Variants in CHST9 observed in about 807,000 individuals in gnomAD.
The protein encoded by CHST9 is carbohydrate sulfotransferase 9.
Under a neutral mutation model 44.4 loss-of-function variants are expected in CHST9, and 41 were observed. The observed-to-expected ratio is 0.92, with a 90% CI of 0.72 to 1.20. CHST9 has a LOEUF of 1.20. Ranked by LOEUF, CHST9 falls within the 50% of genes most tolerant of loss-of-function variation. The probability of loss-of-function intolerance (pLI) is 0.00; values close to 1 mark genes in which losing one functional copy is unlikely to be tolerated. For synonymous variants in CHST9, 171 were observed against 178.4 expected (o/e 0.96, Z 0.33); for missense variants, 504 against 516.5 (o/e 0.98, Z 0.23).
At chr18:27,046,329 C>T (rs2057499543) in intron 3 of CHST9, among the ~76,000 whole-genome samples, 1 of 151,700 alleles carries the variant, frequency 6.6e-6, no homozygotes, top group Admixed American at 6.6e-5. Flanking sequence ...TTGGTAGGTC[C>T]CAGTTTTAAT....
chr18:27,060,937 T>C (rs929078343), intron 2 of CHST9, among the ~76,000 whole-genome samples: 2 of 152,230 alleles, frequency 1.3e-5, no homozygotes, highest in Admixed American at 1.3e-4. Context: ...ATAGGTGAGA[T>C]GAATTCTGTT....
intron 2 of CHST9, among the ~76,000 whole-genome samples, chr18:27,117,172 A>C (rs756086886): frequency 3.9e-5 from 6 of 152,172 alleles, no homozygotes; most frequent in African/African-American, 1.2e-4. Context: ...AATTACTTGG[A>C]TATTTATGAT....
intron 4 of CHST9, among the ~76,000 whole-genome samples, chr18:26,960,220 C>T (rs1396088978): frequency 6.6e-6 from 1 of 151,964 alleles, no homozygotes; most frequent in Non-Finnish European, 1.5e-5. Context: ...GAGAAGAGAG[C>T]GTAGAAGACT....
intron 2 of CHST9, among the ~76,000 whole-genome samples, chr18:27,076,820 A>G (rs1412230391): frequency 6.6e-6 from 1 of 152,196 alleles, no homozygotes; most frequent in Admixed American, 6.5e-5. Flanking sequence ...GTTCCATATT[A>G]TCTGCACATG....
intron 3 of CHST9, among the ~76,000 whole-genome samples, chr18:27,034,021 CA>C (rs2057366519): frequency 1.3e-5 from 2 of 152,216 alleles, no homozygotes; most frequent in African/African-American, 4.8e-5. Context: ...CCCACTCCCC[CA>C]TCCGCACTGC....
chr18:27,065,522 G>C (rs1165563870), intron 2 of CHST9, among the ~76,000 whole-genome samples: 5 of 151,578 alleles, frequency 3.3e-5, no homozygotes, highest in Non-Finnish European at 7.4e-5. Context: ...TAGTCCAGTT[G>C]GGAGAGAGTG....
At chr18:26,951,182 A>C (rs1397729868) in intron 4 of CHST9, among the ~76,000 whole-genome samples, 1 of 152,196 alleles carries the variant, frequency 6.6e-6, no homozygotes, top group Non-Finnish European at 1.5e-5. Context: ...ATTTGTAGAA[A>C]CAGCCCTAAC....
At chr18:26,927,415 A>G (rs1317335589) in intron 5 of CHST9, among the ~76,000 whole-genome samples, 1 of 152,028 alleles carries the variant, frequency 6.6e-6, no homozygotes, top group East Asian at 1.9e-4. Flanking sequence ...CGCTCAGCAT[A>G]TGGTCTCTGA....
At chr18:27,147,332 G>T (rs2058620788) in intron 1 of CHST9, among the ~76,000 whole-genome samples, 1 of 152,108 alleles carries the variant, frequency 6.6e-6, no homozygotes, top group Non-Finnish European at 1.5e-5. Context: ...CTCCCAAAGT[G>T]CTGGGATTAC....
At chr18:27,170,264 T>G (rs1178808779) in intron 1 of CHST9, among the ~76,000 whole-genome samples, 2 of 152,200 alleles carry the variant, frequency 1.3e-5, no homozygotes, top group Non-Finnish European at 2.9e-5. Flanking sequence ...ATTATCTCTC[T>G]TTCTTTCATC....
intron 2 of CHST9, among the ~76,000 whole-genome samples, chr18:27,121,858 A>G (rs16943290): frequency 0.33 from 49,848 of 152,158 alleles, 8,481 homozygotes; most frequent in East Asian, 0.49. Flanking sequence ...GTTTCTATGC[A>G]TCTATCTATT....
At chr18:27,010,117 A>G (rs986796605) in intron 4 of CHST9, among the ~76,000 whole-genome samples, 3 of 152,174 alleles carry the variant, frequency 2.0e-5, no homozygotes, top group Non-Finnish European at 4.4e-5. Context: ...ACTCAGAATC[A>G]TTCTCCTTTA....
chr18:27,152,805 C>CA (rs1332505876), intron 1 of CHST9, among the ~76,000 whole-genome samples: 3 of 150,930 alleles, frequency 2.0e-5, no homozygotes, highest in Non-Finnish European at 3.0e-5. Flanking sequence ...TGCGGTGGTA[C>CA]AAAAAAATGG....
intron 1 of CHST9, among the ~76,000 whole-genome samples, chr18:27,181,744 A>G (rs1211934532): frequency 1.3e-5 from 2 of 152,236 alleles, no homozygotes; most frequent in African/African-American, 4.8e-5. Context: ...AACTTTGACT[A>G]TAAGACTTTT....
At position 27,176,599 on chromosome 18, in the gene CHST9, C is replaced by G. The variant is rs1381331085; in HGVS notation, c.-97+8537G>C. On this transcript the variant is annotated intron_variant, in intron 1 of 5. Coordinates refer to ENST00000618847, the MANE Select transcript of CHST9 (RefSeq NM_031422.6). ...TCATTTGATGTTTCTTTAAGATAGACAAGAAGAAATGCCAGGTGTATGAGC... is the reference window on the plus strand; with the variant it reads ...TCATTTGATGTTTCTTTAAGATAGAGAAGAAGAAATGCCAGGTGTATGAGC... Among the ~76,000 whole-genome samples the G allele has an allele frequency of 2.6e-5, 4 of 152,088 alleles. No homozygotes were observed. The East Asian group carries it at 7.7e-4, about 29-fold the overall frequency.
chr18:27,026,025 A>C (rs1395001610), intron 3 of CHST9, among the ~76,000 whole-genome samples: 1 of 152,184 alleles, frequency 6.6e-6, no homozygotes, highest in Non-Finnish European at 1.5e-5. Flanking sequence ...TGTATGAGAG[A>C]TTGTTCTCAT....
intron 1 of CHST9, among the ~76,000 whole-genome samples, chr18:27,146,040 TATCTC>T (rs1029269055): frequency 6.6e-5 from 10 of 152,176 alleles, no homozygotes; most frequent in African/African-American, 2.2e-4. Flanking sequence ...AATTAAAACT[TATCTC>T]AGAAGAGAAA....
intron 4 of CHST9, among the ~76,000 whole-genome samples, chr18:26,999,257 T>C (rs920126681): frequency 6.6e-6 from 1 of 152,192 alleles, no homozygotes; most frequent in Admixed American, 6.5e-5. Context: ...GAGCAGGTAA[T>C]AAATATGACT....
intron 4 of CHST9, among the ~76,000 whole-genome samples, chr18:26,982,312 A>C (rs2056700890): frequency 6.6e-6 from 1 of 151,552 alleles, no homozygotes; most frequent in Non-Finnish European, 1.5e-5. Flanking sequence ...ATTGTGGATA[A>C]ATTTATCAAA....
Sources: allele counts gnomAD v4.1 joint callset (sites outside exome capture counted in the v4.1 genomes callset), GRCh38; gene constraint gnomAD v4.1.1; transcripts MANE v1.5; gene names NCBI Gene and HGNC (gene_info 2026-07-23, HGNC 2026-07-21).